Variants in SNX16 observed in about 807,000 individuals in gnomAD.
The protein encoded by SNX16 is sorting nexin 16.
SNX16 carries 35 observed loss-of-function variants against 36.7 expected under a neutral mutation model. That is an observed-to-expected ratio of 0.95 (90% CI 0.73 to 1.27). The LOEUF is 1.27. Ranked by LOEUF, SNX16 falls within the 50% of genes most tolerant of loss-of-function variation. The pLI, the probability that SNX16 is intolerant of heterozygous loss-of-function variation, is 0.00. For missense variants in SNX16, 367 were observed against 393.6 expected, an observed-to-expected ratio of 0.93 and a Z score of 0.57; for synonymous variants, 134 against 132.0, an observed-to-expected ratio of 1.02 and a Z score of -0.10.
intron 4 of SNX16, among the ~76,000 whole-genome samples, chr8:81,818,663 C>T (rs899527428): frequency 5.9e-5 from 9 of 152,076 alleles, no homozygotes; most frequent in Non-Finnish European, 1.3e-4. Flanking sequence ...CTGATAGTAC[C>T]TTCCTCTAAC....
chr8:81,812,018 A>G (rs1053319448), intron 5 of SNX16, among the ~76,000 whole-genome samples: 2 of 152,160 alleles, frequency 1.3e-5, no homozygotes, highest in Non-Finnish European at 2.9e-5. Context: ...GGAGTTGAAA[A>G]GCACAGTAAC....
intron 5 of SNX16, among the ~76,000 whole-genome samples, chr8:81,806,951 T>TA (rs35723706): frequency 2.0e-5 from 3 of 151,010 alleles, no homozygotes; most frequent in East Asian, 1.9e-4. Context: ...TTGAAGAACT[T>TA]AAAAAAAAAC....
At chr8:81,801,742 A>C in intron 7 of SNX16, 149 bp from the exon 8 acceptor site, 1 of 467,904 alleles carries the variant, frequency 2.1e-6, no homozygotes, top group Non-Finnish European at 3.7e-6. Context: ...GTATTTAAAC[A>C]TTCAATCAGA....
intron 3 of SNX16, among the ~76,000 whole-genome samples, chr8:81,828,433 A>T (rs1373340373): frequency 6.6e-6 from 1 of 152,062 alleles, no homozygotes; most frequent in Non-Finnish European, 1.5e-5. Flanking sequence ...TTCTTCTGTG[A>T]ATTATCCTGC....
chr8:81,802,585 T>C, intron 6 of SNX16, 86 bp from the exon 7 acceptor site: 1 of 1,152,540 alleles, frequency 8.7e-7, no homozygotes, highest in Non-Finnish European at 1.2e-6. Flanking sequence ...GCTATAGCAG[T>C]CTTTAGCTGT....
Position 81,800,370 on chromosome 8 carries a change from TAAAC to T in SNX16, c.*1123_*1126del, listed in dbSNP as rs986965515. 5 of 151,914 alleles carry T rather than the reference TAAAC, an allele frequency of 3.3e-5. No individual in the cohort carries two copies. The highest frequency in any genetic ancestry group is 1.2e-4 in the African/African-American group (5 of 41,364). The allele number at this position is 151,914 out of a possible 1,614,324, so 9.4% of individuals were successfully genotyped here. On this transcript the variant is annotated 3_prime_UTR_variant, in exon 8 of 8. Coordinates refer to ENST00000345957, the MANE Select transcript of SNX16 (RefSeq NM_152836.3). ...TTAATGACTGTACACAAAGCTGAAA[TAAAC>T]AAACATTTTTTCATAAAGCTGACTC...
chr8:81,824,966 C>T (rs1464872936), intron 3 of SNX16, among the ~76,000 whole-genome samples: 1 of 152,112 alleles, frequency 6.6e-6, no homozygotes, highest in Non-Finnish European at 1.5e-5. Flanking sequence ...GAGAACTTTG[C>T]CAAGGTTGTC....
At chr8:81,806,457 C>T (rs1450234378) in intron 5 of SNX16, among the ~76,000 whole-genome samples, 1 of 152,124 alleles carries the variant, frequency 6.6e-6, no homozygotes, top group Non-Finnish European at 1.5e-5. Flanking sequence ...CACACACACA[C>T]ACATCCCTAC....
rs1025349557 is a variant in SNX16, at chr8:81,835,361, C to A, written c.375+4251G>T. On this transcript the variant is annotated intron_variant, in intron 2 of 7. Transcript: ENST00000345957. ...TCATATGCCCTGGAGACATCTTCCC[C>A]ATTGTCTTGGGGATTAACATTGGGT... 7.5e-4 allele frequency among the ~76,000 whole-genome samples: 114 copies of A among 152,316 alleles called. 1 individual carries two copies. Among genetic ancestry groups the A allele is most frequent in the African/African-American group, 2.7e-3 (113 of 41,574 alleles).
intron 2 of SNX16, among the ~76,000 whole-genome samples, chr8:81,829,836 A>G (rs1423844722): frequency 2.0e-5 from 3 of 152,156 alleles, no homozygotes; most frequent in Non-Finnish European, 4.4e-5. Flanking sequence ...ATACTTGAAG[A>G]AGCTATGAAA....
rs905109669 is a variant in SNX16, at chr8:81,801,199, T to C, written c.*298A>G. ...ATACACAGTAGTTTGGAGCAATATA[T>C]AGGCAAAACACCATAATAATTTATG... is the stretch of plus-strand genomic sequence containing the variant. On this transcript the variant is annotated 3_prime_UTR_variant, in exon 8 of 8. Coordinates refer to ENST00000345957, the MANE Select transcript of SNX16 (RefSeq NM_152836.3). 2 of 214,574 alleles carry C rather than the reference T, an allele frequency of 9.3e-6. No homozygotes were observed. Among genetic ancestry groups the C allele is most frequent in the Admixed American group, 5.7e-5 (1 of 17,598 alleles). The allele number at this position is 214,574 out of a possible 1,614,324, so 13.3% of individuals were successfully genotyped here. A position where few individuals can be genotyped will look rare whatever the true frequency, so the allele number is the denominator to read the frequency against.
chr8:81,799,788 A>G lies in SNX16; in HGVS notation c.*1709T>C, dbSNP rs1289036209. The G allele has an allele frequency of 1.3e-5, 2 of 151,996 alleles. No individual in the cohort carries two copies. Among genetic ancestry groups the G allele is most frequent in the African/African-American group, 4.8e-5 (2 of 41,446 alleles). 9.4% of individuals were successfully genotyped at this position (151,996 alleles called of 1,614,324 possible). A position where few individuals can be genotyped will look rare whatever the true frequency, so the allele number is the denominator to read the frequency against. On this transcript the variant is annotated 3_prime_UTR_variant, in exon 8 of 8. Coordinates refer to ENST00000345957, the MANE Select transcript of SNX16 (RefSeq NM_152836.3). ...TGGTTCGCTTTAGAACAGACAGGCA[A>G]CACTATAATATCTAGAATTTGGCAA...
chr8:81,816,276 G>A (rs1222957009), intron 4 of SNX16, among the ~76,000 whole-genome samples: 1 of 148,926 alleles, frequency 6.7e-6, no homozygotes, highest in Non-Finnish European at 1.5e-5. Context: ...TGCAACCTCC[G>A]CCTCCTGGGT....
At chr8:81,831,844 A>G (rs1188168504) in intron 2 of SNX16, among the ~76,000 whole-genome samples, 1 of 152,196 alleles carries the variant, frequency 6.6e-6, no homozygotes, top group Non-Finnish European at 1.5e-5. Flanking sequence ...TCATCAGAAA[A>G]ATGTAAATCA....
At chr8:81,832,524 C>A (rs1025468756) in intron 2 of SNX16, among the ~76,000 whole-genome samples, 1 of 152,152 alleles carries the variant, frequency 6.6e-6, no homozygotes, top group African/African-American at 2.4e-5. Flanking sequence ...CAAACCTGCA[C>A]ATGTATCCTT....
chr8:81,824,952 G>A (rs1052501154), intron 3 of SNX16, among the ~76,000 whole-genome samples: 4 of 152,134 alleles, frequency 2.6e-5, no homozygotes, highest in Non-Finnish European at 5.9e-5. Context: ...GCTGGCTGCT[G>A]GCTGAGAACT....
rs1809594608 is a variant in SNX16, at chr8:81,799,674, A to T, written c.*1823T>A. The T allele has an allele frequency of 6.6e-6, 1 of 151,998 alleles. No homozygotes were observed. The highest frequency in any genetic ancestry group is 1.5e-5 in the Non-Finnish European group (1 of 67,882). The allele number at this position is 151,998 out of a possible 1,614,324, so 9.4% of individuals were successfully genotyped here. ...AAAAAGTAAATTATAAATATAAATA[A>T]TAGTGGTTTACCTAATTAACAGATT... On this transcript the variant is annotated 3_prime_UTR_variant, in exon 8 of 8. Transcript: ENST00000345957.
chr8:81,819,625 T>A (rs1297269605), intron 4 of SNX16, among the ~76,000 whole-genome samples: 5 of 152,086 alleles, frequency 3.3e-5, no homozygotes, highest in Non-Finnish European at 7.4e-5. Context: ...TCAGTTTTTT[T>A]AAATAGGATG....
At chr8:81,808,400 C>T (rs959433935) in intron 5 of SNX16, 28 of 1,247,474 alleles carry the variant, frequency 2.2e-5, no homozygotes, top group African/African-American at 1.0e-4. Flanking sequence ...GAGGTGTTTT[C>T]GGTGGGAATG....
Sources: gnomAD v4.1 joint callset for allele counts (sites outside exome capture counted in the v4.1 genomes callset) on GRCh38, gnomAD v4.1.1 for gene constraint, MANE v1.5 for transcripts, NCBI Gene and HGNC (gene_info 2026-07-23, HGNC 2026-07-21) for gene names.